Variants in HEMK2 observed in about 807,000 individuals in gnomAD.
The protein encoded by HEMK2 is methyltransferase HEMK2.
chr21:28,838,513 G>A, the HEMK2 span, among the ~76,000 whole-genome samples: 2 of 150,260 alleles, frequency 1.3e-5, no homozygotes, highest in Admixed American at 6.6e-5. Flanking sequence ...CAGCCTGGGC[G>A]ACAGAGTGAG....
chr21:28,819,302 A>T, the HEMK2 span, among the ~76,000 whole-genome samples: 443 of 152,190 alleles, frequency 2.9e-3, 13 homozygotes, highest in East Asian at 0.066. Context: ...AAAAAAAAAA[A>T]AAAAGGCCCT....
the HEMK2 span, among the ~76,000 whole-genome samples, chr21:28,781,442 A>G: frequency 6.7e-6 from 1 of 148,982 alleles, no homozygotes; most frequent in South Asian, 2.2e-4. Context: ...TCCTGTGTTC[A>G]GAGCTCCCCA....
At chr21:28,751,182 G>A in the HEMK2 span, among the ~76,000 whole-genome samples, 2 of 145,202 alleles carry the variant, frequency 1.4e-5, no homozygotes, top group African/African-American at 5.3e-5. Flanking sequence ...AGTGAGCCGA[G>A]ATCACGCCAC....
chr21:28,692,320 G>A, the HEMK2 span, among the ~76,000 whole-genome samples: 1 of 152,016 alleles, frequency 6.6e-6, no homozygotes, highest in Non-Finnish European at 1.5e-5. Context: ...TCAGGGACAA[G>A]AAAAGCAACT....
chr21:28,697,176 G>C, the HEMK2 span, among the ~76,000 whole-genome samples: 3 of 152,136 alleles, frequency 2.0e-5, no homozygotes, highest in Non-Finnish European at 4.4e-5. Context: ...CAGAAAATGG[G>C]TTTTTCTTTT....
the HEMK2 span, among the ~76,000 whole-genome samples, chr21:28,760,935 C>T: frequency 1.3e-5 from 2 of 152,096 alleles, no homozygotes; most frequent in Non-Finnish European, 2.9e-5. Flanking sequence ...CAAACATATA[C>T]AGATTTACCT....
At chr21:28,763,776 G>A in the HEMK2 span, among the ~76,000 whole-genome samples, 4 of 152,098 alleles carry the variant, frequency 2.6e-5, no homozygotes, top group Admixed American at 2.6e-4. Context: ...ACAGTGAGGT[G>A]CACTTAAGCA....
At chr21:28,798,460 G>A in the HEMK2 span, among the ~76,000 whole-genome samples, 2 of 152,064 alleles carry the variant, frequency 1.3e-5, no homozygotes, top group African/African-American at 4.8e-5. Context: ...ATGTTCAGCA[G>A]TCATTCTGTG....
the HEMK2 span, among the ~76,000 whole-genome samples, chr21:28,855,715 A>G: frequency 1.3e-5 from 2 of 152,258 alleles, no homozygotes; most frequent in Admixed American, 6.5e-5. Context: ...AGAAAATCAT[A>G]TAAAACCATG....
At chr21:28,841,312 T>A in the HEMK2 span, among the ~76,000 whole-genome samples, 1 of 11,618 alleles carries the variant, frequency 8.6e-5, no homozygotes, top group African/African-American at 1.0e-3. Context: ...ATATATAATA[T>A]ATAATATATA....
chr21:28,628,959 A>T, the HEMK2 span, among the ~76,000 whole-genome samples: 5 of 152,206 alleles, frequency 3.3e-5, no homozygotes, highest in Non-Finnish European at 7.3e-5. Context: ...AATATTAGTT[A>T]AAGTGGGGAT....
At chr21:28,789,079 CAG>C in the HEMK2 span, among the ~76,000 whole-genome samples, 25 of 151,872 alleles carry the variant, frequency 1.6e-4, no homozygotes, top group Non-Finnish European at 2.6e-4. Flanking sequence ...TTCTGACCTG[CAG>C]AATTGTGAGA....
the HEMK2 span, among the ~76,000 whole-genome samples, chr21:28,788,559 C>A: frequency 1.3e-5 from 2 of 151,984 alleles, no homozygotes; most frequent in African/African-American, 4.8e-5. Flanking sequence ...TAAAAGACTA[C>A]AAATATGGTG....
the HEMK2 span, among the ~76,000 whole-genome samples, chr21:28,700,218 CCTCT>C: frequency 1.3e-5 from 2 of 152,146 alleles, no homozygotes; most frequent in Non-Finnish European, 2.9e-5. Flanking sequence ...TTCTGCTTTG[CCTCT>C]CTAACTTTGT....
chr21:28,726,945 T>C, the HEMK2 span, among the ~76,000 whole-genome samples: 2 of 151,482 alleles, frequency 1.3e-5, no homozygotes, highest in African/African-American at 4.9e-5. Flanking sequence ...GAATAAAAAA[T>C]CATTGTAAAA....
At chr21:28,754,550 G>A in the HEMK2 span, among the ~76,000 whole-genome samples, 12 of 152,274 alleles carry the variant, frequency 7.9e-5, no homozygotes, top group African/African-American at 2.4e-4. Flanking sequence ...TTTAGGAAGC[G>A]GAAATTCTGA....
chr21:28,877,284 GGAA>G, the HEMK2 span, among the ~76,000 whole-genome samples: 15 of 132,418 alleles, frequency 1.1e-4, no homozygotes, highest in African/African-American at 1.7e-4. Context: ...AAGGAAGGAA[GGAA>G]GGAAGGAAGG....
At chr21:28,778,177 A>C in the HEMK2 span, among the ~76,000 whole-genome samples, 2 of 152,324 alleles carry the variant, frequency 1.3e-5, no homozygotes, top group East Asian at 3.9e-4. Flanking sequence ...CTCCAATTCT[A>C]AAATTTTGTC....
At chr21:28,642,959 C>T in the HEMK2 span, among the ~76,000 whole-genome samples, 3 of 152,152 alleles carry the variant, frequency 2.0e-5, no homozygotes, top group African/African-American at 7.2e-5. Flanking sequence ...CAGCTGTTTT[C>T]GCTTAGGGTC....
Sources: allele counts gnomAD v4.1 joint callset (sites outside exome capture counted in the v4.1 genomes callset), GRCh38; gene constraint gnomAD v4.1.1; transcripts MANE v1.5; gene names NCBI Gene and HGNC (gene_info 2026-07-23, HGNC 2026-07-21).